The following KDM1B variants were observed in gnomAD, a reference collection of about 807,000 sequenced individuals.
KDM1B encodes the protein lysine demethylase 1B, also known as lysine-specific histone demethylase 2.
In KDM1B, 63 loss-of-function variants were observed where a neutral mutation model predicts 107.4. The ratio of observed to expected loss-of-function variants is 0.59; its 90% CI spans 0.48 to 0.72. The LOEUF (loss-of-function observed/expected upper bound fraction) is 0.72. Ranked by LOEUF, KDM1B falls within the 30% of genes least tolerant of loss-of-function variation. KDM1B has a pLI of 0.00. For synonymous variants in KDM1B, 363 were observed against 363.9 expected, an observed-to-expected ratio of 1.00 and a Z score of 0.03; for missense variants, 749 against 1,020.8, an observed-to-expected ratio of 0.73 and a Z score of 3.63.
intron 7 of KDM1B, among the ~76,000 whole-genome samples, chr6:18,184,273 C>CTTTTTTTTTT (rs1163110910): frequency 2.1e-4 from 25 of 116,648 alleles, no homozygotes; most frequent in Admixed American, 5.0e-4. Context: ...GTTCTAGCTT[C>CTTTTTTTTTT]TTTTTTTTTT....
At chr6:18,206,270 C>G (rs1252831546) in intron 15 of KDM1B, among the ~76,000 whole-genome samples, 1 of 151,774 alleles carries the variant, frequency 6.6e-6, no homozygotes, top group Admixed American at 6.6e-5. Flanking sequence ...AATCCCAGCA[C>G]TTTGAGAGGC....
intron 7 of KDM1B, among the ~76,000 whole-genome samples, chr6:18,173,880 G>T (rs1195607869): frequency 1.3e-5 from 2 of 152,036 alleles, no homozygotes; most frequent in African/African-American, 2.4e-5. Flanking sequence ...CCGCCTCCCG[G>T]GTTCAAGCGA....
intron 10 of KDM1B, among the ~76,000 whole-genome samples, chr6:18,194,126 C>G (rs1260578258): frequency 6.6e-6 from 1 of 152,142 alleles, no homozygotes; most frequent in African/African-American, 2.4e-5. Flanking sequence ...ATCCACCTGC[C>G]TCAGCCTCCC....
chr6:18,189,255 C>T (rs1275130829), intron 9 of KDM1B, among the ~76,000 whole-genome samples: 3 of 151,916 alleles, frequency 2.0e-5, no homozygotes, highest in Non-Finnish European at 2.9e-5. Flanking sequence ...TGTTGTTTAC[C>T]AATAACACTG....
chr6:18,207,340 C>T, intron 15 of KDM1B, 58 bp from the exon 16 acceptor site: 1 of 1,593,286 alleles, frequency 6.3e-7, no homozygotes, highest in South Asian at 1.1e-5. Context: ...CATATTGGCT[C>T]TCAGGCACAG....
Position 18,191,511 on chromosome 6 carries a change from G to A in KDM1B, c.969+130G>A. On this transcript the variant is annotated intron_variant, in intron 10 of 21. Coordinates refer to ENST00000650836, the MANE Select transcript of KDM1B (RefSeq NM_001364614.2). The surrounding 1 kb of genome is among the most constrained non-coding windows in gnomAD (Gnocchi z 5.1). ...AGCCGTGCCTCTGTTGACAATTTGG[G>A]CAGATAATTCTTTGTGGTGGGGACT... The A allele has an allele frequency of 1.9e-6, 2 of 1,041,590 alleles. No homozygotes were observed. Among genetic ancestry groups the A allele is most frequent in the South Asian group, 1.7e-5 (1 of 58,198 alleles). The allele number at this position is 1,041,590 out of a possible 1,614,324, so 64.5% of individuals were successfully genotyped here.
chr6:18,188,599 ATTTAC>A (rs944144807), intron 9 of KDM1B, among the ~76,000 whole-genome samples: 18 of 151,910 alleles, frequency 1.2e-4, no homozygotes, highest in African/African-American at 4.1e-4. Flanking sequence ...ACTTTTGATT[ATTTAC>A]TTTATTTTTT....
rs765531767 is a variant in KDM1B at position 18,207,375 on chromosome 6, C to T, written c.1660-23C>T. 3.7e-6 allele frequency: 6 copies of T among 1,613,438 alleles called. No individual in the cohort carries two copies. In the South Asian group the frequency reaches 4.4e-5, roughly 12 times the overall value. ...GGCACAAGGATTTACACTGCTGTGT[C>T]CCCAACCTCTCTTGTTTCCCAGGTA... On this transcript the variant is annotated intron_variant, in intron 15 of 21. Coordinates refer to ENST00000650836, the MANE Select transcript of KDM1B (RefSeq NM_001364614.2).
intron 9 of KDM1B, among the ~76,000 whole-genome samples, chr6:18,189,729 T>C (rs1260395104): frequency 1.3e-5 from 2 of 152,178 alleles, no homozygotes; most frequent in Non-Finnish European, 2.9e-5. Flanking sequence ...TCTCTGTTAA[T>C]AGACACAGAA....
rs988201857 is a variant in KDM1B at position 18,200,322 on chromosome 6, A to G, written c.1222-117A>G. The G allele has an allele frequency of 5.7e-6, 6 of 1,045,722 alleles. No homozygotes were observed. The African/African-American group carries it at 9.6e-5, about 17-fold the overall frequency. The allele number at this position is 1,045,722 out of a possible 1,614,324, so 64.8% of individuals were successfully genotyped here. ...TTTTTAAAGTTGTTTTTTTAGAAAT[A>G]TTTGGAATTAACCAAATATAGAGGC... On this transcript the variant is annotated intron_variant, in intron 12 of 21. Transcript: ENST00000650836. The surrounding 1 kb of genome is among the most constrained non-coding windows in gnomAD (Gnocchi z 4.3).
intron 9 of KDM1B, among the ~76,000 whole-genome samples, chr6:18,188,263 G>A (rs1053207722): frequency 2.3e-4 from 35 of 152,052 alleles, no homozygotes; most frequent in Admixed American, 1.3e-3. Context: ...AAATGTATGC[G>A]ACCTATGATA....
chr6:18,218,095 TAA>T (rs1465392229), intron 21 of KDM1B, among the ~76,000 whole-genome samples: 3 of 151,910 alleles, frequency 2.0e-5, no homozygotes, highest in Non-Finnish European at 4.4e-5. Context: ...CTTCATATTT[TAA>T]AAGTGTTTAT....
At chr6:18,184,471 C>G (rs542588447) in intron 7 of KDM1B, among the ~76,000 whole-genome samples, 1 of 151,734 alleles carries the variant, frequency 6.6e-6, no homozygotes, top group African/African-American at 2.4e-5. Flanking sequence ...GACGAGGTTT[C>G]ACCATGTTGG....
At position 18,185,807 on chromosome 6, in the gene KDM1B, T is replaced by C. The variant is rs1234771068; in HGVS notation, c.570T>C (p.Asp190=). ...CAGATCATTGTTCCCTCCCAGAGGA[T>C]CTAGTGAGTATTTCCGGATGGTGTG... ...ETSDHCSLPE[D]LRVLEVSNHW... is the part of the protein sequence containing the mutation. Residue 190 remains aspartate, a synonymous_variant, in exon 8 of 22, where the codon GAT becomes GAC. Coordinates refer to ENST00000650836, the MANE Select transcript of KDM1B (RefSeq NM_001364614.2). 1 of 1,613,930 alleles carries C rather than the reference T, an allele frequency of 6.2e-7. No individual in the cohort carries two copies. Among genetic ancestry groups the C allele is most frequent in the South Asian group, 1.1e-5 (1 of 91,082 alleles).
rs950766941 is a variant in KDM1B at position 18,204,423 on chromosome 6, G to A, written c.1532-1114G>A. Among the ~76,000 whole-genome samples, 5 of 152,012 alleles carry A rather than the reference G, an allele frequency of 3.3e-5. No homozygotes were observed. In the South Asian group the frequency reaches 6.2e-4, roughly 19 times the overall value. The stretch of plus-strand genomic sequence containing the variant: ...CCGGAAGTTGAGGCTGCAGTGAGTC[G>A]GAATGGCACCACAGCACTCCAGCCT... On this transcript the variant is annotated intron_variant, in intron 14 of 21. Transcript: ENST00000650836. This position sits in a 1 kb window ranked among gnomAD's most constrained non-coding sequence, Gnocchi z 4.9.
At chr6:18,171,565 G>A (rs748119564) in intron 7 of KDM1B, 86 bp downstream of exon 7, 136 of 782,116 alleles carry the variant, frequency 1.7e-4, no homozygotes, top group Non-Finnish European at 2.4e-4. Context: ...CATGTATTGT[G>A]TTGATCATTC....
chr6:18,158,847 GA>G (rs1481805528), intron 2 of KDM1B, among the ~76,000 whole-genome samples: 1 of 152,126 alleles, frequency 6.6e-6, no homozygotes, highest in Non-Finnish European at 1.5e-5. Context: ...ACTAGTTTGG[GA>G]AATTTTTTCC....
chr6:18,167,666 G>C (rs1294717628), intron 6 of KDM1B, among the ~76,000 whole-genome samples: 1 of 151,850 alleles, frequency 6.6e-6, no homozygotes, highest in Non-Finnish European at 1.5e-5. Context: ...TAGAGATGGG[G>C]TTTCACCATG....
In KDM1B at chr6:18,214,385, T is replaced by G. The variant is rs1195688886; in HGVS notation, c.2109+604T>G. Among the ~76,000 whole-genome samples, 1 of 152,208 alleles carries G rather than the reference T, an allele frequency of 6.6e-6. No homozygotes were observed. Among genetic ancestry groups the G allele is most frequent in the African/African-American group, 2.4e-5 (1 of 41,460 alleles). ...TTGAGGTTTTTTTATTTTTCATTGTTTTATCTGCAGATTTTCCTTCTCCAT... is the reference window on the plus strand; with the variant it reads ...TTGAGGTTTTTTTATTTTTCATTGTGTTATCTGCAGATTTTCCTTCTCCAT... On this transcript the variant is annotated intron_variant, in intron 19 of 21. Transcript: ENST00000650836. This position sits in a 1 kb window ranked among gnomAD's most constrained non-coding sequence, Gnocchi z 4.4.
Sources: gnomAD v4.1 joint callset for allele counts (sites outside exome capture counted in the v4.1 genomes callset) on GRCh38, gnomAD v4.1.1 for gene constraint, Gnocchi (gnomAD v3.1) non-coding constraint, MANE v1.5 for transcripts, NCBI Gene and HGNC (gene_info 2026-07-23, HGNC 2026-07-21) for gene names.